Variants in CLMP observed in about 807,000 individuals in gnomAD.
CLMP encodes the protein CXADR like cell adhesion molecule.
A neutral mutation model predicts 45.2 loss-of-function variants in CLMP; 27 were observed. The observed-to-expected ratio is 0.60, with a 90% CI of 0.44 to 0.82. The LOEUF (loss-of-function observed/expected upper bound fraction) is 0.82, where lower values mean the gene tolerates loss of function less well. CLMP is among the 40% of genes least tolerant of loss of function. CLMP has a pLI of 0.00. For synonymous variants in CLMP, 167 were observed against 171.4 expected, an observed-to-expected ratio of 0.97 and a Z score of 0.20; for missense variants, 403 against 448.4, an observed-to-expected ratio of 0.90 and a Z score of 0.91.
chr11:123,129,351 A>ATC (rs1860947962), intron 1 of CLMP, among the ~76,000 whole-genome samples: 2 of 128,332 alleles, frequency 1.6e-5, no homozygotes, highest in Non-Finnish European at 3.3e-5. Context: ...TATAAAATAT[A>ATC]TCATATGATA....
chr11:123,108,468 A>T (rs1860590719), intron 1 of CLMP, among the ~76,000 whole-genome samples: 1 of 152,088 alleles, frequency 6.6e-6, no homozygotes, highest in South Asian at 2.1e-4. Flanking sequence ...AGGGGTGTGG[A>T]TACAAGGACC....
At chr11:123,104,252 A>C (rs932759571) in intron 1 of CLMP, among the ~76,000 whole-genome samples, 1 of 134,750 alleles carries the variant, frequency 7.4e-6, no homozygotes, top group Non-Finnish European at 1.5e-5. Flanking sequence ...CCACCGAGCT[A>C]TTTTTTTTAG....
intron 1 of CLMP, among the ~76,000 whole-genome samples, chr11:123,099,691 G>A (rs191847374): frequency 1.2e-3 from 179 of 152,206 alleles, no homozygotes; most frequent in African/African-American, 4.2e-3. Context: ...TGGGAGAGGC[G>A]GTGGGGGGCA....
chr11:123,135,765 C>T (rs10892970), intron 1 of CLMP, among the ~76,000 whole-genome samples: 38,705 of 152,000 alleles, frequency 0.25, 5,299 homozygotes, highest in African/African-American at 0.36. Context: ...TGCCTAGCCT[C>T]GGGTGGCAAA....
chr11:123,173,152 C>T (rs1166327663), intron 1 of CLMP, among the ~76,000 whole-genome samples: 1 of 152,232 alleles, frequency 6.6e-6, no homozygotes, highest in African/African-American at 2.4e-5. Context: ...GCTTTAATCT[C>T]TTACAAAGAG....
In CLMP at chr11:123,146,864, G is replaced by C. The variant is rs568030671; in HGVS notation, c.28+48049C>G. Among the ~76,000 whole-genome samples the C allele has an allele frequency of 2.5e-4, 38 of 152,198 alleles. No individual in the cohort carries two copies. The South Asian group carries it at 7.9e-3, about 32-fold the overall frequency. On this transcript the variant is annotated intron_variant, in intron 1 of 6. Transcript: ENST00000448775. ...GTCTCACAAGCACCTCAAATTCAGC[G>C]CTGTGCCTCCTGCATCACTTATCGG...
rs551469410 is a variant in CLMP at position 123,087,337 on chromosome 11, CA to C, written c.187-2625del. Among the ~76,000 whole-genome samples the C allele has an allele frequency of 2.6e-3, 363 of 140,424 alleles. 1 individual carries two copies. The highest frequency in any genetic ancestry group is 5.5e-3 in the Admixed American group (77 of 13,936). The allele number at this position is 140,424 out of a possible 152,430, so 92.1% of individuals were successfully genotyped here. ...GAGCAACAAGAGCGAAACTCCGTCT[CA>C]AAAAAAAAAAGAAAGAAAGAAAAAA... On this transcript the variant is annotated intron_variant, in intron 2 of 6. Coordinates refer to ENST00000448775, the MANE Select transcript of CLMP (RefSeq NM_024769.5).
At chr11:123,184,656 T>C (rs1023864283) in intron 1 of CLMP, among the ~76,000 whole-genome samples, 7 of 152,020 alleles carry the variant, frequency 4.6e-5, no homozygotes, top group African/African-American at 1.7e-4. Context: ...AGAGAAGGAG[T>C]CAGTCAACAT....
In CLMP at chr11:123,110,311, G is replaced by A. The variant is rs1354530229; in HGVS notation, c.29-12359C>T. ...TCTACTAAAAACACAAAAATTAGCC[G>A]GCCGTGTTGGCAGGCACTTGTAATT... On this transcript the variant is annotated intron_variant, in intron 1 of 6. Coordinates refer to ENST00000448775, the MANE Select transcript of CLMP (RefSeq NM_024769.5). Among the ~76,000 whole-genome samples the A allele has an allele frequency of 2.0e-5, 3 of 152,108 alleles. No individual in the cohort carries two copies. The East Asian group carries it at 5.8e-4, about 29-fold the overall frequency.
intron 1 of CLMP, among the ~76,000 whole-genome samples, chr11:123,150,520 G>A (rs1591478639): frequency 7.8e-6 from 1 of 128,650 alleles, no homozygotes; most frequent in African/African-American, 3.1e-5. Context: ...AGGAAGGAAG[G>A]AAGGAAGGAA....
chr11:123,078,684 G>A (rs1352464394), intron 5 of CLMP, among the ~76,000 whole-genome samples: 25 of 144,232 alleles, frequency 1.7e-4, no homozygotes, highest in Admixed American at 5.7e-4. Context: ...CTGCTCTGTC[G>A]CCTAGGCTGG....
chr11:123,074,935 A>C (rs1423773305), intron 5 of CLMP, 92 bp from the exon 6 acceptor site: 1 of 1,365,210 alleles, frequency 7.3e-7, no homozygotes, highest in Non-Finnish European at 9.9e-7. Context: ...GGACAGAATG[A>C]GTATTTGCAG....
intron 5 of CLMP, among the ~76,000 whole-genome samples, chr11:123,076,068 G>A (rs1865736315): frequency 6.6e-6 from 1 of 152,066 alleles, no homozygotes; most frequent in African/African-American, 2.4e-5. Flanking sequence ...AGCTACTCGG[G>A]AGGTTAAGGC....
intron 1 of CLMP, among the ~76,000 whole-genome samples, chr11:123,138,979 GA>G (rs1257627386): frequency 6.6e-6 from 1 of 151,896 alleles, no homozygotes; most frequent in Non-Finnish European, 1.5e-5. Flanking sequence ...TTAAATGGGT[GA>G]AAAAAATTAA....
chr11:123,143,124 T>C (rs1356626760), intron 1 of CLMP, among the ~76,000 whole-genome samples: 2 of 152,176 alleles, frequency 1.3e-5, no homozygotes, highest in Admixed American at 6.5e-5. Flanking sequence ...TGTGGAGTTC[T>C]GGGTAAGCTT....
intron 1 of CLMP, among the ~76,000 whole-genome samples, chr11:123,128,658 T>G (rs1018575876): frequency 1.3e-5 from 2 of 151,480 alleles, no homozygotes; most frequent in Admixed American, 6.6e-5. Flanking sequence ...AGACCATGTC[T>G]CAAAAAAAAA....
chr11:123,107,214 C>T (rs1860572409), intron 1 of CLMP, among the ~76,000 whole-genome samples: 1 of 151,134 alleles, frequency 6.6e-6, no homozygotes, highest in Non-Finnish European at 1.5e-5. Context: ...GCTTTCACCA[C>T]CATGCCTGGC....
At chr11:123,177,523 CT>C (rs1302470044) in intron 1 of CLMP, among the ~76,000 whole-genome samples, 1 of 152,162 alleles carries the variant, frequency 6.6e-6, no homozygotes, top group African/African-American at 2.4e-5. Flanking sequence ...TCATGGGAAT[CT>C]GAAGAAGCCA....
intron 1 of CLMP, among the ~76,000 whole-genome samples, chr11:123,189,243 C>A (rs1482287850): frequency 2.0e-5 from 3 of 152,202 alleles, no homozygotes; most frequent in Non-Finnish European, 4.4e-5. Context: ...TCAGCCTGAT[C>A]CACTCTTCTC....
Sources: gnomAD v4.1 joint callset for allele counts (sites outside exome capture counted in the v4.1 genomes callset) on GRCh38, gnomAD v4.1.1 for gene constraint, MANE v1.5 for transcripts, NCBI Gene and HGNC (gene_info 2026-07-23, HGNC 2026-07-21) for gene names.